The following TMEM184A variants were observed in gnomAD, a reference collection of about 807,000 sequenced individuals.
TMEM184A encodes transmembrane protein 184A, also known as sexually dimorphic, expressed in male gonads 1.
Under a neutral mutation model 39.5 loss-of-function variants are expected in TMEM184A, and 40 were observed. The ratio of observed to expected loss-of-function variants is 1.01; its 90% CI spans 0.79 to 1.32. TMEM184A has a LOEUF of 1.32. Among genes scored for constraint, TMEM184A ranks in the 40% most tolerant of loss-of-function variants. The pLI, the probability that TMEM184A is intolerant of heterozygous loss-of-function variation, is 0.00. For synonymous variants in TMEM184A, 280 were observed against 252.3 expected (o/e 1.11, Z -1.04); for missense variants, 603 against 568.8 (o/e 1.06, Z -0.61).
At position 1,555,514 on chromosome 7, in the gene TMEM184A, A is replaced by C; in HGVS notation, c.1-30T>G. ...AGAGGGAGGGAGGACACACACCGGG[A>C]GGAGTGAGGGCAAAGGTACTGGCTC... On this transcript the variant is annotated intron_variant, in intron 1 of 8. Transcript: ENST00000297477. The surrounding 1 kb of genome is among the most constrained non-coding windows in gnomAD (Gnocchi z 5.2). 1 of 1,569,004 alleles carries C rather than the reference A, an allele frequency of 6.4e-7. No individual in the cohort carries two copies. The highest frequency in any genetic ancestry group is 8.7e-7 in the Non-Finnish European group (1 of 1,152,840).
intron 2 of TMEM184A, among the ~76,000 whole-genome samples, chr7:1,552,371 G>A (rs1443453393): frequency 1.3e-5 from 2 of 152,134 alleles, no homozygotes; most frequent in African/African-American, 2.4e-5. Flanking sequence ...GAATGGCTGA[G>A]TCAAACCCAT....
rs1228826624 is a variant in TMEM184A at position 1,550,043 on chromosome 7, G to A, written c.552+80C>T. 3.1e-6 allele frequency: 5 copies of A among 1,587,728 alleles called. No homozygotes were observed. In the East Asian group the frequency reaches 1.1e-4, roughly 36 times the overall value. ...AGCAATGAGCAGCCCCCTGACACTG[G>A]GTGGGGTGGCGCTGGGCCGGCTAGG... On this transcript the variant is annotated intron_variant, in intron 5 of 8. Coordinates refer to ENST00000297477, the MANE Select transcript of TMEM184A (RefSeq NM_001097620.2).
chr7:1,547,027 G>A lies in TMEM184A; in HGVS notation c.1167C>T (p.Pro389=), dbSNP rs1562554428. 1.9e-6 allele frequency: 3 copies of A among 1,604,726 alleles called. No individual in the cohort carries two copies. In the Admixed American group the frequency reaches 5.0e-5, roughly 27 times the overall value. ...THEAPRPGTH[P]SGGSGGSRKS... ...TCCTGCTCCCGCCGGAGCCGCCGCT[G>A]GGGTGGGTGCCGGGCCTGGGCGCCT... Residue 389 remains proline, a synonymous_variant, in exon 9 of 9, where the codon CCC becomes CCT. Coordinates refer to ENST00000297477, the MANE Select transcript of TMEM184A (RefSeq NM_001097620.2).
At chr7:1,549,594 G>A (rs1227856511) in intron 6 of TMEM184A, 1 of 593,044 alleles carries the variant, frequency 1.7e-6, no homozygotes, top group Non-Finnish European at 3.3e-6. Context: ...GCCTTGGCAG[G>A]CACCGAGGTC....
In TMEM184A at chr7:1,544,222, C is replaced by T. The variant is rs1014990830; in HGVS notation, c.*2730G>A. 1 of 152,228 alleles carries T rather than the reference C, an allele frequency of 6.6e-6. No individual in the cohort carries two copies. Among genetic ancestry groups the T allele is most frequent in the Admixed American group, 6.5e-5 (1 of 15,278 alleles). The allele number at this position is 152,228 out of a possible 1,614,324, so 9.4% of individuals were successfully genotyped here. A position where few individuals can be genotyped will look rare whatever the true frequency, so the allele number is the denominator to read the frequency against. On this transcript the variant is annotated 3_prime_UTR_variant, in exon 9 of 9. Coordinates refer to ENST00000297477, the MANE Select transcript of TMEM184A (RefSeq NM_001097620.2). ...GAGTTGGGGGCACAGAGCCCCAGCCCTGTGTGGGGCTCCTGGAGGCTGCGG... is the reference window on the plus strand; with the variant it reads ...GAGTTGGGGGCACAGAGCCCCAGCCTTGTGTGGGGCTCCTGGAGGCTGCGG...
intron 6 of TMEM184A, 29 bp downstream of exon 6, chr7:1,549,825 G>A (rs1416590943): frequency 6.4e-7 from 1 of 1,564,386 alleles, no homozygotes. Flanking sequence ...CCCACCTCAT[G>A]CCAGGTGTCC....
chr7:1,550,020 C>T lies in TMEM184A; in HGVS notation c.553-75G>A. On this transcript the variant is annotated intron_variant, in intron 5 of 8. Coordinates refer to ENST00000297477, the MANE Select transcript of TMEM184A (RefSeq NM_001097620.2). Reference sequence around the variant, plus strand: ...CAGGAATGGGGATTGGGGCAGCCAGCAATGAGCAGCCCCCTGACACTGGGT... The same window carrying T: ...CAGGAATGGGGATTGGGGCAGCCAGTAATGAGCAGCCCCCTGACACTGGGT... 8 of 1,483,114 alleles carry T rather than the reference C, an allele frequency of 5.4e-6. No individual in the cohort carries two copies. The South Asian group carries it at 9.0e-5, about 17-fold the overall frequency. 91.9% of individuals were successfully genotyped at this position (1,483,114 alleles called of 1,614,324 possible). A position where few individuals can be genotyped will look rare whatever the true frequency, so the allele number is the denominator to read the frequency against.
chr7:1,548,928 G>A (rs540106353), intron 6 of TMEM184A: 16 of 663,046 alleles, frequency 2.4e-5, no homozygotes, highest in South Asian at 1.2e-4. Flanking sequence ...TCTCCCTACC[G>A]GCCCTGCTCC....
At position 1,547,185 on chromosome 7, in the gene TMEM184A, G is replaced by A. The variant is rs762029985; in HGVS notation, c.1013-4C>T. 3.2e-6 allele frequency: 5 copies of A among 1,554,862 alleles called. No individual in the cohort carries two copies. Among genetic ancestry groups the A allele is most frequent in the Non-Finnish European group, 4.4e-6 (5 of 1,139,578 alleles). ...CTCTGCATGGGTGCCGGGGGGGCTG[G>A]GGGAGGGCAGTGTATGAGCCCCACC... On this transcript the variant is annotated splice_polypyrimidine_tract_variant and splice_region_variant and intron_variant, in intron 8 of 8. Coordinates refer to ENST00000297477, the MANE Select transcript of TMEM184A (RefSeq NM_001097620.2).
chr7:1,550,209 C>T lies in TMEM184A; in HGVS notation c.477-11G>A, dbSNP rs200260385. Reference sequence around the variant, plus strand: ...TACAAGCAGCTGGACCTGCGGGGGACGTCCCTGAGCCGGTGCGGGAGAATG... The same window carrying T: ...TACAAGCAGCTGGACCTGCGGGGGATGTCCCTGAGCCGGTGCGGGAGAATG... On this transcript the variant is annotated splice_polypyrimidine_tract_variant and intron_variant, in intron 4 of 8. Transcript: ENST00000297477. The T allele has an allele frequency of 2.2e-5, 36 of 1,605,620 alleles. No homozygotes were observed. Among genetic ancestry groups the T allele is most frequent in the South Asian group, 3.3e-5 (3 of 90,228 alleles).
rs1053560714 is a variant in TMEM184A at position 1,555,674 on chromosome 7, G to A, written c.1-190C>T. The A allele has an allele frequency of 1.6e-6, 1 of 634,464 alleles. No homozygotes were observed. The highest frequency in any genetic ancestry group is 1.8e-5 in the South Asian group (1 of 56,234). 39.3% of individuals were successfully genotyped at this position (634,464 alleles called of 1,614,324 possible). ...CCTCCCTGCTCCGAGCTCAGCCATC[G>A]AAGCTCACCCATCAACCACCTGCGA... is the stretch of plus-strand genomic sequence containing the variant. On this transcript the variant is annotated intron_variant, in intron 1 of 8. Coordinates refer to ENST00000297477, the MANE Select transcript of TMEM184A (RefSeq NM_001097620.2). This position sits in a 1 kb window ranked among gnomAD's most constrained non-coding sequence, Gnocchi z 5.2.
intron 8 of TMEM184A, among the ~76,000 whole-genome samples, chr7:1,547,468 C>A (rs1784394931): frequency 6.6e-6 from 1 of 152,184 alleles, no homozygotes; most frequent in Non-Finnish European, 1.5e-5. Flanking sequence ...CTGGTCTCTC[C>A]ACAGTGACTG....
Position 1,548,544 on chromosome 7 carries a change from G to A in TMEM184A, c.789C>T (p.Ala263=), listed in dbSNP as rs376364658. The A allele has an allele frequency of 2.7e-5, 43 of 1,613,408 alleles. No individual in the cohort carries two copies. The highest frequency in any genetic ancestry group is 5.5e-5 in the South Asian group (5 of 91,060). The change falls in exon 7 of 9, where the codon GCC becomes GCT. Residue 263 remains alanine, a synonymous_variant. Transcript: ENST00000297477. ...QPVLKFLTIK[A]VIFLSFWQGL... ...CTTGCCAGAACGACAGGAAGATGACGGCTTTGATGGTGAGGAACTTGAGGA... is the reference window on the plus strand; with the variant it reads ...CTTGCCAGAACGACAGGAAGATGACAGCTTTGATGGTGAGGAACTTGAGGA...
chr7:1,550,020 C>A, intron 5 of TMEM184A, 75 bp from the exon 6 acceptor site: 1 of 1,483,114 alleles, frequency 6.7e-7, no homozygotes, highest in Non-Finnish European at 9.1e-7. Context: ...GGGCAGCCAG[C>A]AATGAGCAGC....
chr7:1,547,597 T>C, intron 8 of TMEM184A, 145 bp downstream of exon 8: 1 of 831,976 alleles, frequency 1.2e-6, no homozygotes, highest in Non-Finnish European at 1.9e-6. Context: ...ACAGCCCAGG[T>C]GCCTGTCCGG....
At chr7:1,554,395 C>T (rs1778464352) in intron 2 of TMEM184A, among the ~76,000 whole-genome samples, 2 of 152,190 alleles carry the variant, frequency 1.3e-5, no homozygotes, top group Admixed American at 6.5e-5. Context: ...GCCCTCAGCC[C>T]AGCCCTCCAC....
rs747351934 is a variant in TMEM184A at position 1,547,129 on chromosome 7, G to A, written c.1065C>T (p.Ser355=). ...SISSGIRETV[S]PQDIVQDAIH... ...TGGCGTCCTGCACGATGTCCTGGGG[G>A]CTCACTGTCTCCCTGATGCCGCTGG... The change falls in exon 9 of 9, where the codon AGC becomes AGT. Residue 355 remains serine (S), a synonymous_variant. Coordinates refer to ENST00000297477, the MANE Select transcript of TMEM184A (RefSeq NM_001097620.2). 8.7e-6 allele frequency: 14 copies of A among 1,609,446 alleles called. No homozygotes were observed. Among genetic ancestry groups the A allele is most frequent in the Non-Finnish European group, 1.1e-5 (13 of 1,179,578 alleles).
Position 1,547,191 on chromosome 7 carries a change from G to T in TMEM184A, c.1013-10C>A. The T allele has an allele frequency of 6.6e-7, 1 of 1,507,680 alleles. No individual in the cohort carries two copies. Among genetic ancestry groups the T allele is most frequent in the Non-Finnish European group, 9.1e-7 (1 of 1,098,492 alleles). The allele number at this position is 1,507,680 out of a possible 1,614,324, so 93.4% of individuals were successfully genotyped here. A position where few individuals can be genotyped will look rare whatever the true frequency, so the allele number is the denominator to read the frequency against. ...ATGGGTGCCGGGGGGGCTGGGGGAG[G>T]GCAGTGTATGAGCCCCACCATCCCC... On this transcript the variant is annotated splice_polypyrimidine_tract_variant and intron_variant, in intron 8 of 8. Transcript: ENST00000297477.
intron 2 of TMEM184A, among the ~76,000 whole-genome samples, chr7:1,552,813 G>A (rs972144304): frequency 5.3e-5 from 8 of 152,200 alleles, no homozygotes; most frequent in Admixed American, 2.6e-4. Flanking sequence ...TTAGCACTTT[G>A]GGAGGCCAAG....
Sources: gnomAD v4.1 joint callset for allele counts (sites outside exome capture counted in the v4.1 genomes callset) on GRCh38, gnomAD v4.1.1 for gene constraint, Gnocchi (gnomAD v3.1) non-coding constraint, MANE v1.5 for transcripts, NCBI Gene and HGNC (gene_info 2026-07-23, HGNC 2026-07-21) for gene names.